FOXP2: variants seen among roughly 807,000 people sequenced by gnomAD.
FOXP2 encodes the protein forkhead box P2.
In FOXP2, 12 loss-of-function variants were observed where a neutral mutation model predicts 115.8. That is an observed-to-expected ratio of 0.10 (90% CI 0.07 to 0.17). FOXP2 has a LOEUF of 0.17. Ranked by LOEUF, FOXP2 falls within the 10% of genes least tolerant of loss-of-function variation. The pLI is 1.00. For synonymous variants in FOXP2, 328 were observed against 297.7 expected (o/e 1.10, Z -1.05); for missense variants, 629 against 843.5 (o/e 0.75, Z 3.15).
intron 1 of FOXP2, among the ~76,000 whole-genome samples, chr7:114,240,700 A>G (rs1439474309): frequency 2.0e-5 from 3 of 151,632 alleles, no homozygotes; most frequent in Non-Finnish European, 4.4e-5. Flanking sequence ...AATATTTTCA[A>G]AAAAAAACCC....
At chr7:114,417,734 C>A (rs1358951609) in intron 1 of FOXP2, among the ~76,000 whole-genome samples, 1 of 151,852 alleles carries the variant, frequency 6.6e-6, no homozygotes, top group East Asian at 1.9e-4. Flanking sequence ...ACAACTGACA[C>A]TGGAACTGTA....
At chr7:114,386,469 T>C (rs940831216) in intron 2 of FOXP2, among the ~76,000 whole-genome samples, 4 of 152,236 alleles carry the variant, frequency 2.6e-5, no homozygotes, top group Admixed American at 6.5e-5. Context: ...AGATTCAGGC[T>C]ACCCTGGATC....
At chr7:114,370,457 G>A (rs764998197) in intron 2 of FOXP2, among the ~76,000 whole-genome samples, 30 of 152,198 alleles carry the variant, frequency 2.0e-4, no homozygotes, top group Non-Finnish European at 3.5e-4. Flanking sequence ...TCCTAGCCTC[G>A]TTTATGTAAT....
At chr7:114,240,522 C>G (rs1054851410) in intron 1 of FOXP2, among the ~76,000 whole-genome samples, 1 of 151,610 alleles carries the variant, frequency 6.6e-6, no homozygotes, top group African/African-American at 2.4e-5. Context: ...TTGTTTGTTT[C>G]TTAAAGAAGA....
chr7:114,635,891 TA>T (rs1276449759), intron 6 of FOXP2, among the ~76,000 whole-genome samples: 1 of 152,124 alleles, frequency 6.6e-6, no homozygotes, highest in African/African-American at 2.4e-5. Context: ...ATGCAACCTA[TA>T]AAAAATGATA....
At chr7:114,611,607 ACATTTT>A (rs1376941792) in intron 3 of FOXP2, among the ~76,000 whole-genome samples, 11 of 152,228 alleles carry the variant, frequency 7.2e-5, no homozygotes, top group Non-Finnish European at 1.3e-4. Flanking sequence ...TACTTTGAAT[ACATTTT>A]CATAGCTTAA....
intron 3 of FOXP2, among the ~76,000 whole-genome samples, chr7:114,588,829 C>T (rs1463878277): frequency 6.6e-6 from 1 of 152,172 alleles, no homozygotes. Flanking sequence ...ATTGCTTCCA[C>T]TGATTTCCTG....
At chr7:114,523,898 A>G (rs1798743331) in intron 2 of FOXP2, among the ~76,000 whole-genome samples, 1 of 152,190 alleles carries the variant, frequency 6.6e-6, no homozygotes, top group African/African-American at 2.4e-5. Context: ...TGATGAAATG[A>G]ATAGTATATT....
intron 2 of FOXP2, among the ~76,000 whole-genome samples, chr7:114,481,800 C>CTATCTATA (rs1554402629): frequency 1.4e-3 from 205 of 150,154 alleles, no homozygotes; most frequent in African/African-American, 4.8e-3. Flanking sequence ...ATCTATCTAT[C>CTATCTATA]TATCTATCTA....
intron 2 of FOXP2, among the ~76,000 whole-genome samples, chr7:114,325,549 T>G (rs1403397763): frequency 6.6e-6 from 1 of 151,998 alleles, no homozygotes; most frequent in African/African-American, 2.4e-5. Context: ...TCAGTATATA[T>G]CTGTAAACAT....
chr7:114,280,295 A>G (rs1037010604), intron 1 of FOXP2, among the ~76,000 whole-genome samples: 3 of 152,070 alleles, frequency 2.0e-5, no homozygotes, highest in African/African-American at 7.2e-5. Context: ...TTTGAATCAG[A>G]ATTCATCCTT....
rs143317299 is a variant in FOXP2 at position 114,435,159 on chromosome 7, A to C, written c.168+8480A>C. On this transcript the variant is annotated intron_variant, in intron 2 of 16. Coordinates refer to ENST00000350908, the MANE Select transcript of FOXP2 (RefSeq NM_014491.4). Reference sequence around the variant, plus strand: ...ATCACTTTTCACTATGATTGAAAATAAATGGTTGTTGAAAGCATTTCCCCA... The same window carrying C: ...ATCACTTTTCACTATGATTGAAAATCAATGGTTGTTGAAAGCATTTCCCCA... 3.0e-3 allele frequency among the ~76,000 whole-genome samples: 463 copies of C among 152,312 alleles called. 3 individuals carry two copies. Among genetic ancestry groups the C allele is most frequent in the African/African-American group, 0.011 (452 of 41,582 alleles).
chr7:114,116,019 A>G (rs1044549757), intron 1 of FOXP2, among the ~76,000 whole-genome samples: 1 of 151,904 alleles, frequency 6.6e-6, no homozygotes, highest in Admixed American at 6.6e-5. Flanking sequence ...CATAAATAGA[A>G]TTTTTTTTGC....
At chr7:114,328,397 C>T (rs1218668981) in intron 2 of FOXP2, among the ~76,000 whole-genome samples, 4 of 151,850 alleles carry the variant, frequency 2.6e-5, no homozygotes, top group Non-Finnish European at 4.4e-5. Flanking sequence ...CCACCACGCC[C>T]GGCAAATTTT....
rs191078841 is a variant in FOXP2 at position 114,380,799 on chromosome 7, G to A, written c.-10-45703G>A. Among the ~76,000 whole-genome samples the A allele has an allele frequency of 2.0e-3, 310 of 152,322 alleles. 2 individuals carry two copies. The highest frequency in any genetic ancestry group is 3.4e-3 in the Non-Finnish European group (233 of 68,030). On this transcript the variant is annotated intron_variant, in intron 2 of 17. Coordinates refer to the FOXP2 transcript ENST00000634411. ...TTTAACTGCTTCAGATACTAAGACT[G>A]CTACTGCCACCAGTACCTGTAAACA...
In FOXP2 at chr7:114,203,811, T is replaced by G. The variant is rs1020125199; in HGVS notation, c.-102+40723T>G. On this transcript the variant is annotated intron_variant, in intron 1 of 17. Coordinates refer to the FOXP2 transcript ENST00000634411. ...TCCCTTGATCTGGATTCTTTTCATA[T>G]TTTCCTTATTTCTTCTTTATTTTGC... Among the ~76,000 whole-genome samples, 4 of 152,188 alleles carry G rather than the reference T, an allele frequency of 2.6e-5. No individual in the cohort carries two copies. The East Asian group carries it at 7.7e-4, about 29-fold the overall frequency.
At chr7:114,423,580 T>C (rs1489902843) in intron 1 of FOXP2, among the ~76,000 whole-genome samples, 1 of 151,650 alleles carries the variant, frequency 6.6e-6, no homozygotes. Flanking sequence ...ATCTGGAATT[T>C]ATTTTCACTG....
chr7:114,660,418 G>A (rs978697653), intron 13 of FOXP2, among the ~76,000 whole-genome samples: 1 of 152,134 alleles, frequency 6.6e-6, no homozygotes, highest in Non-Finnish European at 1.5e-5. Flanking sequence ...TACAAAAGGG[G>A]AAAATGTTTG....
intron 2 of FOXP2, among the ~76,000 whole-genome samples, chr7:114,316,043 CA>C (rs1305891371): frequency 6.6e-6 from 1 of 152,126 alleles, no homozygotes; most frequent in Admixed American, 6.6e-5. Flanking sequence ...AGCACAGATA[CA>C]GCACTAAATA....
Sources: allele counts gnomAD v4.1 joint callset (sites outside exome capture counted in the v4.1 genomes callset), GRCh38; gene constraint gnomAD v4.1.1; transcripts MANE v1.5; gene names NCBI Gene and HGNC (gene_info 2026-07-23, HGNC 2026-07-21).